RBPJ: variants seen among roughly 807,000 people sequenced by gnomAD.
The protein encoded by RBPJ is recombination signal binding protein for immunoglobulin kappa J region.
RBPJ carries 9 observed loss-of-function variants against 67.8 expected under a neutral mutation model. That is an observed-to-expected ratio of 0.13 (90% confidence interval 0.08 to 0.23). RBPJ has a LOEUF of 0.23. Ranked by LOEUF, RBPJ falls within the 10% of genes least tolerant of loss-of-function variation. The pLI is 1.00. For synonymous variants in RBPJ, 198 were observed against 203.3 expected (o/e 0.97, Z 0.22); for missense variants, 305 against 595.6 (o/e 0.51, Z 5.08).
intron 1 of RBPJ, among the ~76,000 whole-genome samples, chr4:26,270,452 G>GA (rs1553855416): frequency 5.0e-5 from 7 of 139,774 alleles, no homozygotes; most frequent in Non-Finnish European, 7.9e-5. Flanking sequence ...AAGAAAGAAA[G>GA]AAAGAAAAGA....
intron 1 of RBPJ, among the ~76,000 whole-genome samples, chr4:26,307,421 T>C (rs1722273556): frequency 6.6e-6 from 1 of 152,264 alleles, no homozygotes; most frequent in Admixed American, 6.5e-5. Flanking sequence ...TTTTTTCTTT[T>C]GCCTAGATTC....
chr4:26,395,008 C>T (rs904999059), intron 2 of RBPJ, among the ~76,000 whole-genome samples: 13 of 152,206 alleles, frequency 8.5e-5, no homozygotes, highest in African/African-American at 3.1e-4. Flanking sequence ...CAAAGCCCAT[C>T]TTCTGTTAGC....
intron 1 of RBPJ, among the ~76,000 whole-genome samples, chr4:26,254,746 C>G (rs774054795): frequency 6.9e-6 from 1 of 144,592 alleles, no homozygotes; most frequent in Non-Finnish European, 1.5e-5. Context: ...GGTGCAATCT[C>G]GGCTCACTGC....
intron 1 of RBPJ, among the ~76,000 whole-genome samples, chr4:26,187,787 C>G (rs542830887): frequency 6.6e-6 from 1 of 151,924 alleles, no homozygotes; most frequent in Non-Finnish European, 1.5e-5. Context: ...TTTGGGAGGC[C>G]GAGGTGGGTG....
chr4:26,113,225 G>A, the RBPJ span: 1 of 292,382 alleles, frequency 3.4e-6, no homozygotes, highest in East Asian at 6.9e-5. Flanking sequence ...CACATGGGGG[G>A]AAGCCCTCTG....
Position 26,429,984 on chromosome 4 carries a change from T to A in RBPJ, c.975T>A (p.Tyr325Ter). Reference sequence around the variant, plus strand: ...TCATTAGCACAGATAAGGCAGAGTATACATTTTATGAGGGAATGGGCCCTG... The same window carrying A: ...TCATTAGCACAGATAAGGCAGAGTAAACATTTTATGAGGGAATGGGCCCTG... ...WTIISTDKAE[Y>*]TFYEGMGPVL... The change falls in exon 9 of 11, where the codon TAT becomes TAA. Residue 325 changes from tyrosine to a stop codon, truncating the protein, a stop_gained. Transcript: ENST00000355476. LOFTEE classifies it high-confidence loss of function. 6.2e-7 allele frequency: 1 copy of A among 1,614,110 alleles called. No individual in the cohort carries two copies. The highest frequency in any genetic ancestry group is 8.5e-7 in the Non-Finnish European group (1 of 1,179,976).
intron 1 of RBPJ, among the ~76,000 whole-genome samples, chr4:26,244,608 T>TTTTTAGTG (rs916542351): frequency 2.0e-5 from 3 of 152,092 alleles, no homozygotes; most frequent in Admixed American, 6.6e-5. Flanking sequence ...TAAAACAATA[T>TTTTTAGTG]TTTTAGTGTT....
chr4:26,377,415 T>C (rs2109583008), intron 1 of RBPJ, among the ~76,000 whole-genome samples: 1 of 152,356 alleles, frequency 6.6e-6, no homozygotes, highest in East Asian at 1.9e-4. Flanking sequence ...TGAACACTGC[T>C]TTCCCTCTCC....
chr4:26,232,520 T>C (rs575584829), intron 1 of RBPJ, among the ~76,000 whole-genome samples: 1 of 152,270 alleles, frequency 6.6e-6, no homozygotes, highest in Non-Finnish European at 1.5e-5. Flanking sequence ...ACCCAGCCAA[T>C]TAAGTTTAAA....
chr4:26,170,491 GCCT>G (rs1716534385), intron 1 of RBPJ, among the ~76,000 whole-genome samples: 1 of 151,146 alleles, frequency 6.6e-6, no homozygotes, highest in African/African-American at 2.4e-5. Context: ...GCTGCAGTGA[GCCT>G]TGCAGTGCCA....
chr4:26,354,767 G>A (rs1425843011), intron 1 of RBPJ, among the ~76,000 whole-genome samples: 1 of 151,976 alleles, frequency 6.6e-6, no homozygotes, highest in African/African-American at 2.4e-5. Context: ...GATTTTACGT[G>A]GGAAACTGAT....
At chr4:26,246,349 A>G (rs1425079154) in intron 1 of RBPJ, among the ~76,000 whole-genome samples, 2 of 152,114 alleles carry the variant, frequency 1.3e-5, no homozygotes, top group African/African-American at 4.8e-5. Context: ...GTCTTTTTAA[A>G]TTTCATTTTC....
At chr4:26,305,766 C>CTTTTTTTTTTTT (rs1722212611) in intron 1 of RBPJ, among the ~76,000 whole-genome samples, 5 of 57,642 alleles carry the variant, frequency 8.7e-5, no homozygotes, top group Admixed American at 3.8e-4. Context: ...TTAGAATTTT[C>CTTTTTTTTTTTT]TTTTCTTTTT....
intron 1 of RBPJ, among the ~76,000 whole-genome samples, chr4:26,205,651 G>A (rs951667420): frequency 3.9e-5 from 6 of 152,182 alleles, no homozygotes; most frequent in Admixed American, 6.5e-5. Flanking sequence ...GGAGTGCAGC[G>A]GTACAGTCTC....
At chr4:26,290,094 A>ACAT (rs2109286027) in intron 1 of RBPJ, among the ~76,000 whole-genome samples, 1 of 150,238 alleles carries the variant, frequency 6.7e-6, no homozygotes, top group African/African-American at 2.4e-5. Flanking sequence ...CTTTGGGAGG[A>ACAT]CATGGTGGGA....
chr4:26,400,706 C>G (rs1419410626), intron 2 of RBPJ, among the ~76,000 whole-genome samples: 2 of 152,134 alleles, frequency 1.3e-5, no homozygotes, highest in Non-Finnish European at 2.9e-5. Context: ...AACTATTGTT[C>G]ATGATTACCT....
intron 1 of RBPJ, among the ~76,000 whole-genome samples, chr4:26,302,491 G>A (rs968532228): frequency 6.6e-6 from 1 of 152,082 alleles, no homozygotes; most frequent in Non-Finnish European, 1.5e-5. Flanking sequence ...TAGATCTTAG[G>A]TCCTCCAGGT....
chr4:26,180,332 TAAA>T (rs11344714), intron 1 of RBPJ, among the ~76,000 whole-genome samples: 4 of 146,774 alleles, frequency 2.7e-5, no homozygotes, highest in Admixed American at 6.8e-5. Context: ...AAATAAAGGT[TAAA>T]AAAAAAAAAA....
chr4:26,231,140 T>C (rs1300822616), intron 1 of RBPJ, among the ~76,000 whole-genome samples: 1 of 152,198 alleles, frequency 6.6e-6, no homozygotes, highest in Non-Finnish European at 1.5e-5. Flanking sequence ...GAAGGAGCAA[T>C]TTCAACATTT....
Sources: gnomAD v4.1 joint callset for allele counts (sites outside exome capture counted in the v4.1 genomes callset) on GRCh38, gnomAD v4.1.1 for gene constraint, MANE v1.5 for transcripts, NCBI Gene and HGNC (gene_info 2026-07-23, HGNC 2026-07-21) for gene names.